The following IQUB variants were observed in gnomAD, a reference collection of about 807,000 sequenced individuals.
IQUB encodes IQ motif and ubiquitin-like domain-containing protein.
Under a neutral mutation model 86.4 loss-of-function variants are expected in IQUB, and 86 were observed. The ratio of observed to expected loss-of-function variants is 1.00; its 90% CI spans 0.84 to 1.19. The LOEUF (loss-of-function observed/expected upper bound fraction) is 1.19, where lower values mean the gene tolerates loss of function less well. Among genes scored for constraint, IQUB ranks in the 50% most tolerant of loss-of-function variants. The pLI, the probability that IQUB is intolerant of heterozygous loss-of-function variation, is 0.00. For synonymous variants in IQUB, 289 were observed against 304.5 expected, an observed-to-expected ratio of 0.95 and a Z score of 0.53; for missense variants, 946 against 916.9, an observed-to-expected ratio of 1.03 and a Z score of -0.41.
Position 123,503,360 on chromosome 7 carries a change from T to G in IQUB, c.536A>C (p.Lys179Thr). 6.8e-7 allele frequency: 1 copy of G among 1,481,212 alleles called. No individual in the cohort carries two copies. The highest frequency in any genetic ancestry group is 1.3e-5 in the South Asian group (1 of 77,144). The allele number at this position is 1,481,212 out of a possible 1,614,324, so 91.8% of individuals were successfully genotyped here. Reference sequence around the variant, plus strand: ...TAGAGTCTCATTATTTTTAAGAATTTTTCCTAAAAATTGAAATAAAATTTT... The same window carrying G: ...TAGAGTCTCATTATTTTTAAGAATTGTTCCTAAAAATTGAAATAAAATTTT... ...HSVLQIRYSG[K>T]ILKNNETLVQ... The change falls in exon 4 of 13, where the codon AAA becomes ACA. Residue 179 changes from lysine (K) to threonine (T), a missense_variant. By Grantham distance (78) the Lys-to-Thr change is moderately conservative. Coordinates refer to ENST00000324698, the MANE Select transcript of IQUB (RefSeq NM_178827.5).
At chr7:123,467,886 C>G (rs1053517589) in intron 9 of IQUB, among the ~76,000 whole-genome samples, 4 of 152,196 alleles carry the variant, frequency 2.6e-5, no homozygotes, top group Non-Finnish European at 5.9e-5. Context: ...AAAAATGCTT[C>G]TAATGTAAGA....
chr7:123,498,119 T>G (rs1795785633), intron 6 of IQUB, among the ~76,000 whole-genome samples: 1 of 150,920 alleles, frequency 6.6e-6, no homozygotes, highest in Admixed American at 6.6e-5. Flanking sequence ...TCTCCCATAA[T>G]CAAGCTTTAC....
rs1489923628 is a variant in IQUB at position 123,452,941 on chromosome 7, T to G, written c.2194-16A>C. ...GTTCATATCCCTGCAAAGAAAAAAA[T>G]CAAATTCTAGTAAATATCACAGATA... On this transcript the variant is annotated splice_polypyrimidine_tract_variant and intron_variant, in intron 12 of 12. Transcript: ENST00000324698. The G allele has an allele frequency of 6.3e-7, 1 of 1,591,182 alleles. No individual in the cohort carries two copies. The highest frequency in any genetic ancestry group is 1.1e-5 in the South Asian group (1 of 88,960).
At chr7:123,511,648 A>C (rs2117259025) in intron 2 of IQUB, among the ~76,000 whole-genome samples, 1 of 152,260 alleles carries the variant, frequency 6.6e-6, no homozygotes, top group South Asian at 2.1e-4. Context: ...TTTCTCCATC[A>C]TTTTCCAAGG....
rs1034399802 is a variant in IQUB, at chr7:123,452,467, A to T, written c.*276T>A. ...AACTCTAATATACTTGAAAAAATTT[A>T]AAAAATTTAATGTGAAAACACATTT... On this transcript the variant is annotated 3_prime_UTR_variant, in exon 13 of 13. Transcript: ENST00000324698. 4 of 223,264 alleles carry T rather than the reference A, an allele frequency of 1.8e-5. No homozygotes were observed. The highest frequency in any genetic ancestry group is 5.6e-5 in the Admixed American group (1 of 17,972). 13.8% of individuals were successfully genotyped at this position (223,264 alleles called of 1,614,324 possible).
intron 1 of IQUB, among the ~76,000 whole-genome samples, chr7:123,524,608 A>G (rs1383563930): frequency 7.3e-5 from 11 of 150,738 alleles, no homozygotes; most frequent in Middle Eastern, 3.4e-3. Context: ...GGGCTGAGAC[A>G]ATGGGGTTTT....
chr7:123,525,912 C>A (rs893014737), intron 1 of IQUB, among the ~76,000 whole-genome samples: 9 of 145,044 alleles, frequency 6.2e-5, no homozygotes, highest in African/African-American at 2.3e-4. Context: ...TCTTTGTTCT[C>A]GTTGGTTTCA....
At chr7:123,494,868 AG>A (rs1183294260) in intron 7 of IQUB, among the ~76,000 whole-genome samples, 1 of 152,164 alleles carries the variant, frequency 6.6e-6, no homozygotes, top group African/African-American at 2.4e-5. Flanking sequence ...ACTAATAAGT[AG>A]AACAGGCAGA....
chr7:123,515,769 T>C (rs747862827), intron 1 of IQUB, among the ~76,000 whole-genome samples: 3 of 152,200 alleles, frequency 2.0e-5, no homozygotes, highest in Non-Finnish European at 4.4e-5. Context: ...TGCTAGTGAG[T>C]GCATATAAAG....
At chr7:123,523,821 G>C (rs1430197517) in intron 1 of IQUB, among the ~76,000 whole-genome samples, 1 of 152,110 alleles carries the variant, frequency 6.6e-6, no homozygotes, top group African/African-American at 2.4e-5. Flanking sequence ...TTCTTGTAGG[G>C]TTTTTATGGT....
intron 3 of IQUB, among the ~76,000 whole-genome samples, chr7:123,508,029 G>A (rs1186792039): frequency 6.6e-6 from 1 of 152,156 alleles, no homozygotes; most frequent in African/African-American, 2.4e-5. Context: ...GAGTTGGAAA[G>A]ATTTTCCTGG....
At chr7:123,490,223 G>GGGA (rs1795396311) in intron 7 of IQUB, among the ~76,000 whole-genome samples, 1 of 151,856 alleles carries the variant, frequency 6.6e-6, no homozygotes, top group Admixed American at 6.6e-5. Context: ...TAAACTAACA[G>GGGA]TGATCAAAAG....
rs551822585 is a variant in IQUB at position 123,504,315 on chromosome 7, T to C, written c.533-952A>G. 2.0e-5 allele frequency among the ~76,000 whole-genome samples: 3 copies of C among 152,202 alleles called. No homozygotes were observed. The East Asian group carries it at 5.8e-4, about 29-fold the overall frequency. On this transcript the variant is annotated intron_variant, in intron 3 of 12. Transcript: ENST00000324698. ...AATACAAAACTGAGCCAGGCCGTGG[T>C]GGCATATGCCTGTAATCCCAGCTAC...
intron 12 of IQUB, among the ~76,000 whole-genome samples, chr7:123,454,846 C>T (rs1793615797): frequency 6.6e-6 from 1 of 151,826 alleles, no homozygotes. Context: ...AGGGTACACA[C>T]CATCAGCATG....
At chr7:123,464,599 G>A (rs1794161164) in intron 10 of IQUB, among the ~76,000 whole-genome samples, 2 of 151,992 alleles carry the variant, frequency 1.3e-5, no homozygotes, top group Non-Finnish European at 2.9e-5. Flanking sequence ...TATTCAGTTG[G>A]AAAGTTGGTG....
At position 123,522,722 on chromosome 7, in the gene IQUB, C is replaced by CT. The variant is rs1415952874; in HGVS notation, c.-4-10379dup. Among the ~76,000 whole-genome samples, 3 of 151,966 alleles carry CT rather than the reference C, an allele frequency of 2.0e-5. No individual in the cohort carries two copies. The East Asian group carries it at 5.8e-4, about 29-fold the overall frequency. ...AGAAAAAAATACTTTTATTATTATACTTTAAGTTTTAGGGTACATGTGCAC... is the reference window on the plus strand; with the variant it reads ...AGAAAAAAATACTTTTATTATTATACTTTTAAGTTTTAGGGTACATGTGCAC... On this transcript the variant is annotated intron_variant, in intron 1 of 12. Coordinates refer to ENST00000324698, the MANE Select transcript of IQUB (RefSeq NM_178827.5).
At chr7:123,523,781 G>A (rs1323778936) in intron 1 of IQUB, among the ~76,000 whole-genome samples, 6 of 152,082 alleles carry the variant, frequency 3.9e-5, no homozygotes, top group Non-Finnish European at 7.4e-5. Context: ...CCTTGCCCAC[G>A]CCTATGTCCT....
chr7:123,482,032 A>G (rs2117087458), intron 7 of IQUB, among the ~76,000 whole-genome samples: 1 of 152,136 alleles, frequency 6.6e-6, no homozygotes, highest in East Asian at 1.9e-4. Flanking sequence ...GCAGATATGA[A>G]CAAAAAAGAA....
At chr7:123,495,334 G>C (rs924265189) in intron 7 of IQUB, among the ~76,000 whole-genome samples, 3 of 151,860 alleles carry the variant, frequency 2.0e-5, no homozygotes, top group African/African-American at 7.3e-5. Context: ...TTGTTTATTA[G>C]CCCTAATGTT....
Sources: allele counts gnomAD v4.1 joint callset (sites outside exome capture counted in the v4.1 genomes callset), GRCh38; gene constraint gnomAD v4.1.1; transcripts MANE v1.5; gene names NCBI Gene and HGNC (gene_info 2026-07-23, HGNC 2026-07-21).